The following IFT88 variants were observed in gnomAD, a reference collection of about 807,000 sequenced individuals.
The protein encoded by IFT88 is intraflagellar transport protein 88 homolog.
A neutral mutation model predicts 119.5 loss-of-function variants in IFT88; 74 were observed. That is an observed-to-expected ratio of 0.62 (90% CI 0.51 to 0.75). The LOEUF is 0.75. Among genes scored for constraint, IFT88 ranks in the 30% least tolerant of loss-of-function variants. The pLI, the probability that IFT88 is intolerant of heterozygous loss-of-function variation, is 0.00. For missense variants in IFT88, 961 were observed against 977.7 expected, an observed-to-expected ratio of 0.98 and a Z score of 0.23; for synonymous variants, 279 against 316.7, an observed-to-expected ratio of 0.88 and a Z score of 1.26.
At chr13:20,575,440 T>C (rs1055064718) in intron 2 of IFT88, among the ~76,000 whole-genome samples, 2 of 152,228 alleles carry the variant, frequency 1.3e-5, no homozygotes, top group Admixed American at 1.3e-4. Flanking sequence ...CTTTTTGATA[T>C]ACTGTGATAG....
intron 24 of IFT88, among the ~76,000 whole-genome samples, chr13:20,672,571 A>C (rs2056070222): frequency 6.6e-6 from 1 of 152,170 alleles, no homozygotes; most frequent in Non-Finnish European, 1.5e-5. Context: ...GATCTGGCCC[A>C]GCAGTTCTTA....
intron 9 of IFT88, among the ~76,000 whole-genome samples, chr13:20,597,935 G>C (rs1040739625): frequency 6.6e-6 from 1 of 151,718 alleles, no homozygotes; most frequent in African/African-American, 2.4e-5. Flanking sequence ...ATAAAATAAT[G>C]TTCTATGAGG....
intron 13 of IFT88, chr13:20,607,515 G>T: frequency 2.9e-6 from 2 of 691,522 alleles, no homozygotes. Context: ...GACATGTGGG[G>T]AGGCCGCCAC....
intron 14 of IFT88, among the ~76,000 whole-genome samples, chr13:20,616,107 A>G (rs972361005): frequency 6.6e-6 from 1 of 152,234 alleles, no homozygotes; most frequent in Non-Finnish European, 1.5e-5. Flanking sequence ...AACACATTTC[A>G]GTCAACAATG....
At chr13:20,571,230 G>A (rs1306180603) in intron 1 of IFT88, among the ~76,000 whole-genome samples, 1 of 152,102 alleles carries the variant, frequency 6.6e-6, no homozygotes, top group East Asian at 1.9e-4. Flanking sequence ...TCCTGACCTC[G>A]TGATCTGCCT....
At chr13:20,567,854 AGTTTTTTTTGTTT>A (rs2035215986) in intron 1 of IFT88, 1 of 974,904 alleles carries the variant, frequency 1.0e-6, no homozygotes, top group Non-Finnish European at 1.5e-6. Context: ...TCTGGTTGTG[AGTTTTTTTTGTTT>A]GTTTTTTTTT....
At chr13:20,568,397 A>T (rs1487341211) in intron 1 of IFT88, among the ~76,000 whole-genome samples, 1 of 152,196 alleles carries the variant, frequency 6.6e-6, no homozygotes, top group Non-Finnish European at 1.5e-5. Context: ...CTCACTTTCC[A>T]CATCTTTTAA....
chr13:20,641,313 C>T lies in IFT88; in HGVS notation c.1597C>T (p.Arg533Trp), dbSNP rs147278996. 1.1e-5 allele frequency: 17 copies of T among 1,608,464 alleles called. No homozygotes were observed. In the East Asian group the frequency reaches 2.0e-4, roughly 19 times the overall value. ...AGGCCTTACCTATGAGAAACTAAAT[C>T]GGCTAGATGAGGCTTTGGACTGTTT... ...NIGLTYEKLN[R>W]LDEALDCFLK... is the part of the protein sequence containing the mutation. The change falls in exon 18 of 26, where the codon CGG (arginine) becomes TGG (tryptophan). Residue 533 changes from arginine (R) to tryptophan (W), a missense_variant. Transcript: ENST00000351808.
At chr13:20,627,396 A>G (rs1332157852) in intron 15 of IFT88, among the ~76,000 whole-genome samples, 1 of 152,156 alleles carries the variant, frequency 6.6e-6, no homozygotes, top group African/African-American at 2.4e-5. Context: ...CATGTCTGCT[A>G]GTTTTCCTTT....
intron 19 of IFT88, among the ~76,000 whole-genome samples, chr13:20,644,406 C>T (rs2050428215): frequency 6.6e-6 from 1 of 152,074 alleles, no homozygotes; most frequent in East Asian, 1.9e-4. Context: ...GAGACTAAGG[C>T]ACGAGAATTG....
intron 22 of IFT88, among the ~76,000 whole-genome samples, chr13:20,660,572 A>G (rs2053621899): frequency 6.6e-6 from 1 of 152,262 alleles, no homozygotes; most frequent in Admixed American, 6.5e-5. Flanking sequence ...GCAAAATCAC[A>G]GTATTCACTT....
Position 20,635,870 on chromosome 13 carries a change from A to T in IFT88, c.1387-2462A>T, listed in dbSNP as rs561190960. Among the ~76,000 whole-genome samples the T allele has an allele frequency of 1.0e-3, 156 of 152,268 alleles. 1 individual carries two copies. The highest frequency in any genetic ancestry group is 3.6e-3 in the African/African-American group (151 of 41,558). On this transcript the variant is annotated intron_variant, in intron 16 of 25. Transcript: ENST00000351808. ...ACAAACCTGCACATTCTGCACATGT[A>T]TCCCATGTTTGTTTTTAACCTAAAG...
rs866546808 is a variant in IFT88 at position 20,611,906 on chromosome 13, C to G, written c.1113-3887C>G. On this transcript the variant is annotated intron_variant, in intron 13 of 25. Coordinates refer to ENST00000351808, the MANE Select transcript of IFT88 (RefSeq NM_006531.5). ...CAGGCATGAGCCACCGCACCCGGCC[C>G]ACTTTCACCAGTTCTGTTCATCATT... Among the ~76,000 whole-genome samples the G allele has an allele frequency of 8.5e-5, 13 of 152,292 alleles. No homozygotes were observed. The South Asian group carries it at 2.5e-3, about 29-fold the overall frequency.
rs375321803 is a variant in IFT88, at chr13:20,664,935, C to G, written c.2175+1331C>G. ...TCTACTAAAAATACAAAAAATTAGC[C>G]AGGCGTGGTGGAGGGCACCTGTAGT... On this transcript the variant is annotated intron_variant, in intron 23 of 25. Coordinates refer to ENST00000351808, the MANE Select transcript of IFT88 (RefSeq NM_006531.5). 5.1e-4 allele frequency among the ~76,000 whole-genome samples: 78 copies of G among 151,968 alleles called. No homozygotes were observed. In the South Asian group the frequency reaches 0.016, roughly 31 times the overall value.
chr13:20,690,090 C>A (rs372302460), intron 24 of IFT88, among the ~76,000 whole-genome samples: 28 of 152,182 alleles, frequency 1.8e-4, no homozygotes, highest in East Asian at 1.3e-3. Context: ...GATTTATTCC[C>A]AGAGACATTA....
In IFT88 at chr13:20,691,045, G is replaced by T. The variant is rs78322783; in HGVS notation, c.2354-9G>T. 6.2e-7 allele frequency: 1 copy of T among 1,610,684 alleles called. No homozygotes were observed. The highest frequency in any genetic ancestry group is 1.3e-5 in the African/African-American group (1 of 74,804). ...ATAACTCTAACGTGACAATCTCTTCGAAACCTAGATGCCTCCTATGTGGAC... is the reference window on the plus strand; with the variant it reads ...ATAACTCTAACGTGACAATCTCTTCTAAACCTAGATGCCTCCTATGTGGAC... On this transcript the variant is annotated splice_polypyrimidine_tract_variant and intron_variant, in intron 25 of 25. Transcript: ENST00000351808.
chr13:20,597,129 G>A lies in IFT88; in HGVS notation c.594+10G>A, dbSNP rs979354559. ...GGATTTAACTTACTCAGTAAGTATT[G>A]AAATATAACACAATTTTTAAATAAA... On this transcript the variant is annotated intron_variant, in intron 9 of 25. Coordinates refer to ENST00000351808, the MANE Select transcript of IFT88 (RefSeq NM_006531.5). 4 of 1,425,538 alleles carry A rather than the reference G, an allele frequency of 2.8e-6. No individual in the cohort carries two copies. The highest frequency in any genetic ancestry group is 1.2e-5 in the South Asian group (1 of 80,326). The allele number at this position is 1,425,538 out of a possible 1,614,324, so 88.3% of individuals were successfully genotyped here. A position where few individuals can be genotyped will look rare whatever the true frequency, so the allele number is the denominator to read the frequency against.
intron 24 of IFT88, among the ~76,000 whole-genome samples, chr13:20,684,637 G>A (rs538355515): frequency 5.5e-4 from 83 of 152,284 alleles, no homozygotes; most frequent in African/African-American, 1.9e-3. Context: ...GAAACCAGGG[G>A]CAGTATTTCT....
At chr13:20,618,094 G>A (rs140186200) in intron 14 of IFT88, among the ~76,000 whole-genome samples, 1,921 of 152,114 alleles carry the variant, frequency 0.013, 32 homozygotes, top group Non-Finnish European at 0.014. Context: ...TAATTTTTTT[G>A]TATTTTTAGT....
Sources: gnomAD v4.1 joint callset for allele counts (sites outside exome capture counted in the v4.1 genomes callset) on GRCh38, gnomAD v4.1.1 for gene constraint, MANE v1.5 for transcripts, NCBI Gene and HGNC (gene_info 2026-07-23, HGNC 2026-07-21) for gene names.